MCFD2: variants seen among roughly 807,000 people sequenced by gnomAD.
MCFD2 encodes the protein multiple coagulation factor deficiency protein 2.
MCFD2 carries 11 observed loss-of-function variants against 12.8 expected under a neutral mutation model. That is an observed-to-expected ratio of 0.86 (90% confidence interval 0.54 to 1.42). The LOEUF (loss-of-function observed/expected upper bound fraction) is 1.42. Among genes scored for constraint, MCFD2 ranks in the 40% most tolerant of loss-of-function variants. MCFD2 has a pLI of 0.00. For missense variants in MCFD2, 191 were observed against 178.6 expected, an observed-to-expected ratio of 1.07 and a Z score of -0.40; for synonymous variants, 70 against 68.1, an observed-to-expected ratio of 1.03 and a Z score of -0.14.
upstream of MCFD2, chr2:46,916,185 T>C: frequency 3.1e-6 from 3 of 983,142 alleles, no homozygotes; most frequent in South Asian, 4.7e-5. Context: ...GGTTCAGGTC[T>C]CTTGGTTCGT....
chr2:46,916,097 G>C (rs906202741), upstream of MCFD2: 1 of 985,466 alleles, frequency 1.0e-6, no homozygotes, highest in Non-Finnish European at 1.2e-6. Flanking sequence ...CACGGGCGAC[G>C]TAGGATGGCG....
At chr2:46,931,432 T>C (rs1406046981) in intron 1 of MCFD2, among the ~76,000 whole-genome samples, 1 of 152,188 alleles carries the variant, frequency 6.6e-6, no homozygotes, top group Non-Finnish European at 1.5e-5. Flanking sequence ...GGTGATTAAA[T>C]TGAGGACCTT....
rs986888187 is a variant in MCFD2, at chr2:46,940,087, C to T, written c.-8+1485G>A. Among the ~76,000 whole-genome samples, 8 of 152,112 alleles carry T rather than the reference C, an allele frequency of 5.3e-5. No individual in the cohort carries two copies. The East Asian group carries it at 1.2e-3, about 22-fold the overall frequency. ...GTGGGAACAGGAAGACTGTCTTCAACTAATCACCCTGTGTGGCTTCATGTG... is the reference window on the plus strand; with the variant it reads ...GTGGGAACAGGAAGACTGTCTTCAATTAATCACCCTGTGTGGCTTCATGTG... On this transcript the variant is annotated intron_variant, in intron 1 of 2. Transcript: ENST00000409147. The surrounding 1 kb of genome is among the most constrained non-coding windows in gnomAD (Gnocchi z 4.7).
At position 46,940,358 on chromosome 2, in the gene MCFD2, T is replaced by C. The variant is rs1670224370; in HGVS notation, c.-8+1214A>G. On this transcript the variant is annotated intron_variant, in intron 1 of 2. Coordinates refer to the MCFD2 transcript ENST00000409147. The surrounding 1 kb of genome is among the most constrained non-coding windows in gnomAD (Gnocchi z 4.7). ...GGTGGTTTTTGGTTTCGGGTCTTGC[T>C]GTGGCTTCTCCAGCACTGGTCTGTG... 6.6e-6 allele frequency among the ~76,000 whole-genome samples: 1 copy of C among 152,184 alleles called. No homozygotes were observed. The highest frequency in any genetic ancestry group is 1.9e-4 in the East Asian group (1 of 5,164).
intron 1 of MCFD2, among the ~76,000 whole-genome samples, chr2:46,938,077 T>G (rs889501184): frequency 1.4e-4 from 22 of 152,114 alleles, no homozygotes; most frequent in African/African-American, 5.3e-4. Context: ...AGGGGATTTA[T>G]TATGCAAACA....
Position 46,902,603 on chromosome 2 carries a change from T to G in MCFD2, c.*2860A>C, listed in dbSNP as rs1411907877. On this transcript the variant is annotated 3_prime_UTR_variant, in exon 4 of 4. Coordinates refer to ENST00000319466, the MANE Select transcript of MCFD2 (RefSeq NM_139279.6). The stretch of plus-strand genomic sequence containing the variant: ...CTGAAAATCTGAAAGAGTCATCACT[T>G]AAGCCAGTAGTGTATCATTTCCAAA... 1.3e-5 allele frequency: 2 copies of G among 152,678 alleles called. No individual in the cohort carries two copies. Among genetic ancestry groups the G allele is most frequent in the African/African-American group, 2.4e-5 (1 of 41,458 alleles). The allele number at this position is 152,678 out of a possible 1,614,324, so 9.5% of individuals were successfully genotyped here. A position where few individuals can be genotyped will look rare whatever the true frequency, so the allele number is the denominator to read the frequency against.
chr2:46,912,751 T>G (rs1668536870), intron 1 of MCFD2: 1 of 152,204 alleles, frequency 6.6e-6, no homozygotes, highest in Non-Finnish European at 1.5e-5. Context: ...CCTTGCTGGA[T>G]GGGCTTTAAG....
rs1323212879 is a variant in MCFD2, at chr2:46,904,605, C to G, written c.*858G>C. ...TTTCGGACTTGCATGGGCCCTGTAACCCCTTTATTTTGGCCAATTTCTCCC... is the reference window on the plus strand; with the variant it reads ...TTTCGGACTTGCATGGGCCCTGTAAGCCCTTTATTTTGGCCAATTTCTCCC... On this transcript the variant is annotated 3_prime_UTR_variant, in exon 4 of 4. Coordinates refer to ENST00000319466, the MANE Select transcript of MCFD2 (RefSeq NM_139279.6). 1 of 152,196 alleles carries G rather than the reference C, an allele frequency of 6.6e-6. No homozygotes were observed. Among genetic ancestry groups the G allele is most frequent in the African/African-American group, 2.4e-5 (1 of 41,442 alleles). 9.4% of individuals were successfully genotyped at this position (152,196 alleles called of 1,614,324 possible). A position where few individuals can be genotyped will look rare whatever the true frequency, so the allele number is the denominator to read the frequency against.
chr2:46,927,745 A>G (rs1391978911), intron 1 of MCFD2, among the ~76,000 whole-genome samples: 1 of 152,162 alleles, frequency 6.6e-6, no homozygotes, highest in African/African-American at 2.4e-5. Flanking sequence ...ATATCTTCAA[A>G]GTGCAAAAGA....
intron 1 of MCFD2, among the ~76,000 whole-genome samples, chr2:46,923,657 C>T (rs1239085770): frequency 6.6e-6 from 1 of 152,026 alleles, no homozygotes; most frequent in African/African-American, 2.4e-5. Context: ...CTTGGGAGGC[C>T]GAGACAGGAG....
Position 46,941,063 on chromosome 2 carries a change from T to G in MCFD2, c.-8+509A>C, listed in dbSNP as rs1401349313. The G allele has an allele frequency of 6.8e-6, 1 of 146,630 alleles. No individual in the cohort carries two copies. The highest frequency in any genetic ancestry group is 1.5e-5 in the Non-Finnish European group (1 of 66,490). 9.1% of individuals were successfully genotyped at this position (146,630 alleles called of 1,614,324 possible). ...GGCGGGGGCGGCGGCGGGGGGCGGG[T>G]ACCCGGGCGGCCGCGAGCGCCCTTC... is the stretch of plus-strand genomic sequence containing the variant. On this transcript the variant is annotated intron_variant, in intron 1 of 2. Coordinates refer to the MCFD2 transcript ENST00000409147. The surrounding 1 kb of genome is among the most constrained non-coding windows in gnomAD (Gnocchi z 4.2).
intron 1 of MCFD2, chr2:46,912,595 G>A (rs574220504): frequency 6.6e-6 from 1 of 152,194 alleles, no homozygotes; most frequent in Non-Finnish European, 1.5e-5. Context: ...TCTGGTGTAG[G>A]TATTCGTCCT....
chr2:46,935,965 C>T (rs1466071943), intron 1 of MCFD2, among the ~76,000 whole-genome samples: 9 of 151,876 alleles, frequency 5.9e-5, no homozygotes, highest in Non-Finnish European at 1.3e-4. Context: ...GTGGCGTGTG[C>T]CTGTAGTCCC....
intron 1 of MCFD2, among the ~76,000 whole-genome samples, chr2:46,939,407 G>A (rs987446148): frequency 6.6e-6 from 1 of 152,158 alleles, no homozygotes; most frequent in African/African-American, 2.4e-5. Context: ...CTGGAAAATA[G>A]CTGTGAAGGG....
chr2:46,906,825 A>C (rs1668260277), intron 3 of MCFD2: 1 of 152,100 alleles, frequency 6.6e-6, no homozygotes, highest in African/African-American at 2.4e-5. Flanking sequence ...TCACCTAGAA[A>C]ATGGGAGGGT....
chr2:46,941,706 G>A lies in MCFD2; in HGVS notation c.-142C>T, dbSNP rs1670403310. ...ACAGGCGAGGCAGCCCGAGCGCAGC[G>A]TTCACCTTTCCGGACACCGGTGAGT... is the stretch of plus-strand genomic sequence containing the variant. On this transcript the variant is annotated 5_prime_UTR_variant, in exon 1 of 3. Transcript: ENST00000409147. This position sits in a 1 kb window ranked among gnomAD's most constrained non-coding sequence, Gnocchi z 4.2. 1.3e-6 allele frequency: 2 copies of A among 1,550,548 alleles called. No homozygotes were observed. The highest frequency in any genetic ancestry group is 1.7e-6 in the Non-Finnish European group (2 of 1,147,350).
At chr2:46,929,339 T>C (rs1480329351) in intron 1 of MCFD2, among the ~76,000 whole-genome samples, 1 of 152,030 alleles carries the variant, frequency 6.6e-6, no homozygotes, top group East Asian at 1.9e-4. Context: ...ATTTAAAAAC[T>C]ACCTGGCTGT....
rs1420248449 is a variant in MCFD2 at position 46,904,404 on chromosome 2, G to C, written c.*1059C>G. ...GCACCGTGCACCTGGAAAAGCCGCA[G>C]GCACTGAACAACAGCCGTGAAAGCA... On this transcript the variant is annotated 3_prime_UTR_variant, in exon 4 of 4. Coordinates refer to ENST00000319466, the MANE Select transcript of MCFD2 (RefSeq NM_139279.6). The C allele has an allele frequency of 6.5e-6, 1 of 153,292 alleles. No homozygotes were observed. Among genetic ancestry groups the C allele is most frequent in the East Asian group, 1.9e-4 (1 of 5,296 alleles). 9.5% of individuals were successfully genotyped at this position (153,292 alleles called of 1,614,324 possible).
intron 1 of MCFD2, among the ~76,000 whole-genome samples, chr2:46,931,444 A>G (rs1290769610): frequency 6.6e-6 from 1 of 152,226 alleles, no homozygotes; most frequent in Non-Finnish European, 1.5e-5. Context: ...GAGGACCTTG[A>G]GATGGGGAGA....
Sources: allele counts gnomAD v4.1 joint callset (sites outside exome capture counted in the v4.1 genomes callset), GRCh38; gene constraint gnomAD v4.1.1; non-coding constraint Gnocchi (gnomAD v3.1); transcripts MANE v1.5; gene names NCBI Gene and HGNC (gene_info 2026-07-23, HGNC 2026-07-21).